The following PSMC1 variants were observed in gnomAD, a reference collection of about 807,000 sequenced individuals.
PSMC1 encodes the protein proteasome 26S subunit, ATPase 1.
In PSMC1, 5 loss-of-function variants were observed where a neutral mutation model predicts 49.8. The ratio of observed to expected loss-of-function variants is 0.10; its 90% CI spans 0.05 to 0.21. The LOEUF (loss-of-function observed/expected upper bound fraction) is 0.21. Ranked by LOEUF, PSMC1 falls within the 10% of genes least tolerant of loss-of-function variation. The probability of loss-of-function intolerance (pLI) is 1.00; values close to 1 mark genes in which losing one functional copy is unlikely to be tolerated. For synonymous variants in PSMC1, 155 were observed against 192.1 expected (o/e 0.81, Z 1.60); for missense variants, 181 against 535.7 (o/e 0.34, Z 6.54).
Position 90,269,555 on chromosome 14 carries a change from T to G in PSMC1, c.1033+7T>G. On this transcript the variant is annotated splice_region_variant and intron_variant, in intron 9 of 10. Transcript: ENST00000261303. ...CCAGCACTTATCAGACCAGGTTAAA[T>G]TTGCTTTGGTTTCATCATGGAGATT... 6.2e-7 allele frequency: 1 copy of G among 1,612,608 alleles called. No homozygotes were observed. The highest frequency in any genetic ancestry group is 8.5e-7 in the Non-Finnish European group (1 of 1,179,280).
chr14:90,256,698 A>G (rs1595037434), intron 1 of PSMC1, 98 bp downstream of exon 1: 1 of 1,521,920 alleles, frequency 6.6e-7, no homozygotes, highest in South Asian at 1.2e-5. Context: ...AGGAACTGGG[A>G]CAGCCCTCTT....
chr14:90,260,024 C>A, intron 2 of PSMC1, 91 bp from the exon 3 acceptor site: 1 of 761,476 alleles, frequency 1.3e-6, no homozygotes, highest in Non-Finnish European at 2.0e-6. Flanking sequence ...ATTGTACCAC[C>A]TGAAAATAGA....
intron 9 of PSMC1, 130 bp downstream of exon 9, chr14:90,269,678 A>T: frequency 9.9e-7 from 1 of 1,010,504 alleles, no homozygotes; most frequent in Non-Finnish European, 1.4e-6. Context: ...ATAATTTACA[A>T]AAAAATAGGT....
At chr14:90,271,102 A>G (rs1314220000) in intron 10 of PSMC1, 4 of 152,362 alleles carry the variant, frequency 2.6e-5, no homozygotes, top group African/African-American at 9.6e-5. Flanking sequence ...CAAGCCTTCA[A>G]AAAAGTTGCA....
Position 90,272,178 on chromosome 14 carries a change from G to A in PSMC1, c.1189-95G>A. 1 of 1,414,870 alleles carries A rather than the reference G, an allele frequency of 7.1e-7. No individual in the cohort carries two copies. Among genetic ancestry groups the A allele is most frequent in the Non-Finnish European group, 9.6e-7 (1 of 1,037,980 alleles). The allele number at this position is 1,414,870 out of a possible 1,614,324, so 87.6% of individuals were successfully genotyped here. ...CAGAGTGCTGGGATTACAGGTGTGA[G>A]CCACCGCGCCTGGCCTCAGAATAGG... is the stretch of plus-strand genomic sequence containing the variant. On this transcript the variant is annotated intron_variant, in intron 10 of 10. Transcript: ENST00000261303. This position sits in a 1 kb window ranked among gnomAD's most constrained non-coding sequence, Gnocchi z 4.5.
Position 90,274,422 on chromosome 14 carries a change from T to TTCTC in PSMC1, c.*2017_*2020dup, listed in dbSNP as rs1595049110. On this transcript the variant is annotated 3_prime_UTR_variant, in exon 11 of 11. Transcript: ENST00000261303. Reference sequence around the variant, plus strand: ...GTAAACAGGACAGTGGGAGCCAGGTTTCTCTGAGGAGTTAGACACAGAAAG... The same window carrying TTCTC: ...GTAAACAGGACAGTGGGAGCCAGGTTTCTCTCTCTGAGGAGTTAGACACAGAAAG... 6.5e-6 allele frequency: 1 copy of TTCTC among 153,778 alleles called. No homozygotes were observed. The highest frequency in any genetic ancestry group is 1.9e-4 in the East Asian group (1 of 5,180). 9.5% of individuals were successfully genotyped at this position (153,778 alleles called of 1,614,324 possible). A position where few individuals can be genotyped will look rare whatever the true frequency, so the allele number is the denominator to read the frequency against.
intron 2 of PSMC1, 94 bp from the exon 3 acceptor site, chr14:90,260,021 C>T: frequency 4.3e-6 from 3 of 697,962 alleles, no homozygotes; most frequent in Non-Finnish European, 6.7e-6. Flanking sequence ...AAAATTGTAC[C>T]ACCTGAAAAT....
At chr14:90,269,678 A>G in intron 9 of PSMC1, 130 bp downstream of exon 9, 3 of 1,010,504 alleles carry the variant, frequency 3.0e-6, no homozygotes, top group South Asian at 3.4e-5. Context: ...ATAATTTACA[A>G]AAAAATAGGT....
chr14:90,262,153 G>T, intron 3 of PSMC1, among the ~76,000 whole-genome samples: 1 of 64,166 alleles, frequency 1.6e-5, no homozygotes, highest in South Asian at 9.0e-4. Flanking sequence ...CTGTCGTGGG[G>T]TGGGGGGAGG....
At chr14:90,257,899 T>C (rs1891326678) in intron 1 of PSMC1, among the ~76,000 whole-genome samples, 1 of 152,182 alleles carries the variant, frequency 6.6e-6, no homozygotes, top group Non-Finnish European at 1.5e-5. Context: ...CTCATAGAGG[T>C]CTTATACGGA....
chr14:90,271,259 T>C (rs956454492), intron 10 of PSMC1: 6 of 152,200 alleles, frequency 3.9e-5, no homozygotes, highest in Non-Finnish European at 7.3e-5. Context: ...AGGATTGTGT[T>C]TTTTGCCACA....
chr14:90,260,264 T>A (rs1595039638), intron 3 of PSMC1, 53 bp downstream of exon 3: 1 of 1,317,742 alleles, frequency 7.6e-7, no homozygotes, highest in East Asian at 2.3e-5. Flanking sequence ...ATAAACCATC[T>A]CTGTGCATGT....
chr14:90,268,536 C>A, intron 8 of PSMC1, 123 bp downstream of exon 8: 1 of 919,408 alleles, frequency 1.1e-6, no homozygotes, highest in Non-Finnish European at 1.7e-6. Flanking sequence ...CGTGGCCTTC[C>A]ATGCATGCTT....
chr14:90,262,842 A>G (rs1378405548), intron 3 of PSMC1, among the ~76,000 whole-genome samples: 3 of 121,084 alleles, frequency 2.5e-5, no homozygotes. Flanking sequence ...GCCAAAAGAA[A>G]CAATAATGTA....
rs1225737400 is a variant in PSMC1, at chr14:90,274,924, T to C, written c.*2517T>C. 2 of 150,838 alleles carry C rather than the reference T, an allele frequency of 1.3e-5. No individual in the cohort carries two copies. The highest frequency in any genetic ancestry group is 1.3e-4 in the Admixed American group (2 of 15,038). 9.3% of individuals were successfully genotyped at this position (150,838 alleles called of 1,614,324 possible). Reference sequence around the variant, plus strand: ...GAGTCTGCCACAAAACACTGTTCAGTTAGAAAGGGAAAGTCACACTGGAGA... The same window carrying C: ...GAGTCTGCCACAAAACACTGTTCAGCTAGAAAGGGAAAGTCACACTGGAGA... On this transcript the variant is annotated 3_prime_UTR_variant, in exon 11 of 11. Coordinates refer to ENST00000261303, the MANE Select transcript of PSMC1 (RefSeq NM_002802.3).
At chr14:90,263,132 AG>A (rs1329623236) in intron 3 of PSMC1, among the ~76,000 whole-genome samples, 185 bp from the exon 4 acceptor site, 1 of 152,204 alleles carries the variant, frequency 6.6e-6, no homozygotes, top group East Asian at 1.9e-4. Context: ...CCCATTTTGA[AG>A]GGCTTGATTA....
chr14:90,266,946 C>A (rs1395894913), intron 7 of PSMC1, among the ~76,000 whole-genome samples: 2 of 152,048 alleles, frequency 1.3e-5, no homozygotes, highest in African/African-American at 4.8e-5. Flanking sequence ...TGTCACACAC[C>A]AGCTAGCCAC....
chr14:90,263,089 TTTG>T (rs1194352281), intron 3 of PSMC1, among the ~76,000 whole-genome samples: 1 of 152,200 alleles, frequency 6.6e-6, no homozygotes, highest in African/African-American at 2.4e-5. Flanking sequence ...GGGTGTGTCA[TTTG>T]GGGCTAGCTA....
chr14:90,256,635 G>A, intron 1 of PSMC1, 35 bp downstream of exon 1: 1 of 1,580,878 alleles, frequency 6.3e-7, no homozygotes, highest in Non-Finnish European at 8.6e-7. Flanking sequence ...GCTGGTCGTC[G>A]CGGTGCGATG....
Sources: gnomAD v4.1 joint callset for allele counts (sites outside exome capture counted in the v4.1 genomes callset) on GRCh38, gnomAD v4.1.1 for gene constraint, Gnocchi (gnomAD v3.1) non-coding constraint, MANE v1.5 for transcripts, NCBI Gene and HGNC (gene_info 2026-07-23, HGNC 2026-07-21) for gene names.